RGS17: variants seen among roughly 807,000 people sequenced by gnomAD.
The protein encoded by RGS17 is regulator of G-protein signaling 17.
A neutral mutation model predicts 25.5 loss-of-function variants in RGS17; 12 were observed. That is an observed-to-expected ratio of 0.47 (90% CI 0.30 to 0.76). The LOEUF is 0.76. RGS17 is among the 30% of genes least tolerant of loss of function. The probability of loss-of-function intolerance (pLI) is 0.07; values close to 1 mark genes in which losing one functional copy is unlikely to be tolerated. For missense variants in RGS17, 196 were observed against 242.2 expected (o/e 0.81, Z 1.27); for synonymous variants, 71 against 76.9 (o/e 0.92, Z 0.40).
At chr6:153,117,083 A>G (rs554380402) in intron 1 of RGS17, among the ~76,000 whole-genome samples, 50 of 152,190 alleles carry the variant, frequency 3.3e-4, no homozygotes, top group Admixed American at 1.8e-3. Context: ...TAATTTAAAA[A>G]AAGAAAAAAT....
At chr6:153,056,471 G>A (rs1776561079) in intron 1 of RGS17, among the ~76,000 whole-genome samples, 1 of 152,170 alleles carries the variant, frequency 6.6e-6, no homozygotes, top group Non-Finnish European at 1.5e-5. Context: ...TGGAAAGTCT[G>A]ACTGATACTC....
At chr6:153,043,746 T>G (rs1272144232) in intron 2 of RGS17, among the ~76,000 whole-genome samples, 154 bp downstream of exon 2, 1 of 152,190 alleles carries the variant, frequency 6.6e-6, no homozygotes, top group Non-Finnish European at 1.5e-5. Flanking sequence ...AGTATTTGCA[T>G]TAAACCAATG....
chr6:153,120,652 A>C (rs1314055723), intron 1 of RGS17, among the ~76,000 whole-genome samples: 1 of 152,000 alleles, frequency 6.6e-6, no homozygotes, highest in Non-Finnish European at 1.5e-5. Flanking sequence ...CTTCAGCAGC[A>C]CTCTGCCTAG....
intron 1 of RGS17, among the ~76,000 whole-genome samples, chr6:153,091,670 A>C (rs1777132653): frequency 6.6e-6 from 1 of 151,964 alleles, no homozygotes. Context: ...GTGCCACTAC[A>C]CATGGCTAAT....
intron 1 of RGS17, among the ~76,000 whole-genome samples, chr6:153,110,768 G>A (rs1353122737): frequency 6.6e-6 from 1 of 152,180 alleles, no homozygotes; most frequent in African/African-American, 2.4e-5. Flanking sequence ...CTTAGACAGT[G>A]GGTGCAGCCC....
intron 1 of RGS17, among the ~76,000 whole-genome samples, chr6:153,122,664 A>C (rs1777649413): frequency 6.6e-6 from 1 of 152,078 alleles, no homozygotes; most frequent in Non-Finnish European, 1.5e-5. Context: ...GGCAGATAGA[A>C]CATTTGAGCT....
At chr6:153,112,852 CT>C (rs1777493296) in intron 1 of RGS17, among the ~76,000 whole-genome samples, 1 of 152,168 alleles carries the variant, frequency 6.6e-6, no homozygotes, top group Non-Finnish European at 1.5e-5. Flanking sequence ...GAATGACATC[CT>C]TTACAGACAA....
chr6:153,073,790 A>C (rs1776840187), intron 1 of RGS17, among the ~76,000 whole-genome samples: 1 of 152,104 alleles, frequency 6.6e-6, no homozygotes, highest in Non-Finnish European at 1.5e-5. Context: ...GGGTCCAACC[A>C]ATTGATGTAA....
chr6:153,048,867 T>C (rs1776419984), intron 1 of RGS17, among the ~76,000 whole-genome samples: 1 of 152,190 alleles, frequency 6.6e-6, no homozygotes, highest in African/African-American at 2.4e-5. Context: ...TTTACCTGTT[T>C]GTTTGTCTAA....
intron 1 of RGS17, among the ~76,000 whole-genome samples, chr6:153,067,260 G>A (rs940237938): frequency 3.3e-5 from 5 of 152,048 alleles, no homozygotes; most frequent in Non-Finnish European, 4.4e-5. Context: ...ACATGACAAG[G>A]ATGCACATTT....
At chr6:153,102,432 T>C (rs1777319417) in intron 1 of RGS17, among the ~76,000 whole-genome samples, 1 of 152,210 alleles carries the variant, frequency 6.6e-6, no homozygotes, top group South Asian at 2.1e-4. Context: ...ATACTGGAAC[T>C]CTATATATTG....
intron 1 of RGS17, among the ~76,000 whole-genome samples, chr6:153,066,277 T>C (rs936757247): frequency 2.0e-5 from 3 of 152,142 alleles, no homozygotes; most frequent in African/African-American, 7.2e-5. Flanking sequence ...GGAACCATTG[T>C]ACACTGTTGG....
At chr6:153,083,171 C>G (rs955497820) in intron 1 of RGS17, among the ~76,000 whole-genome samples, 8 of 152,196 alleles carry the variant, frequency 5.3e-5, no homozygotes, top group African/African-American at 1.9e-4. Flanking sequence ...TCCTCTGAAA[C>G]TCTCCCCTAC....
At chr6:153,043,435 A>G (rs1776346235) in intron 2 of RGS17, among the ~76,000 whole-genome samples, 1 of 151,752 alleles carries the variant, frequency 6.6e-6, no homozygotes, top group South Asian at 2.1e-4. Context: ...ACTTACAGTT[A>G]TCTGGTCATA....
intron 1 of RGS17, among the ~76,000 whole-genome samples, chr6:153,116,622 C>T (rs937187117): frequency 1.3e-5 from 2 of 152,166 alleles, no homozygotes; most frequent in African/African-American, 2.4e-5. Flanking sequence ...GACACATGCA[C>T]ATGTATGTTT....
chr6:153,061,982 A>G (rs935398963), intron 1 of RGS17, among the ~76,000 whole-genome samples: 2 of 152,172 alleles, frequency 1.3e-5, no homozygotes, highest in East Asian at 3.9e-4. Context: ...AGAATCAAAT[A>G]ATCAGTTAAC....
intron 4 of RGS17, among the ~76,000 whole-genome samples, chr6:153,014,190 C>G (rs979416756): frequency 1.3e-5 from 2 of 152,140 alleles, no homozygotes; most frequent in Non-Finnish European, 2.9e-5. Context: ...TCTGTAAATC[C>G]TAGAGCCCTT....
chr6:153,051,689 T>C (rs2129112014), intron 1 of RGS17, among the ~76,000 whole-genome samples: 1 of 152,248 alleles, frequency 6.6e-6, no homozygotes. Context: ...GACTGTTTAG[T>C]AAAATGTGAG....
chr6:153,059,542 T>C (rs1327738022), intron 1 of RGS17, among the ~76,000 whole-genome samples: 3 of 152,220 alleles, frequency 2.0e-5, no homozygotes, highest in Non-Finnish European at 4.4e-5. Context: ...ATTGAATTAG[T>C]CACTTAACCT....
Sources: allele counts gnomAD v4.1 joint callset (sites outside exome capture counted in the v4.1 genomes callset), GRCh38; gene constraint gnomAD v4.1.1; transcripts MANE v1.5; gene names NCBI Gene and HGNC (gene_info 2026-07-23, HGNC 2026-07-21).